Variants in SASH1 observed in about 807,000 individuals in gnomAD.
The protein encoded by SASH1 is SAM and SH3 domain containing 1.
Under a neutral mutation model 125.2 loss-of-function variants are expected in SASH1, and 44 were observed. The ratio of observed to expected loss-of-function variants is 0.35; its 90% CI spans 0.28 to 0.45. The LOEUF is 0.45. Ranked by LOEUF, SASH1 falls within the 20% of genes least tolerant of loss-of-function variation. The probability of loss-of-function intolerance (pLI) is 1.00; values close to 1 mark genes in which losing one functional copy is unlikely to be tolerated. For synonymous variants in SASH1, 639 were observed against 649.1 expected (o/e 0.98, Z 0.24); for missense variants, 1,426 against 1,614.5 (o/e 0.88, Z 2.00).
At chr6:148,297,331 T>C (rs975478722) in intron 1 of SASH1, among the ~76,000 whole-genome samples, 1 of 152,204 alleles carries the variant, frequency 6.6e-6, no homozygotes, top group Non-Finnish European at 1.5e-5. Context: ...ACTAAAGACA[T>C]TGTGTATAAA....
chr6:148,399,107 A>AAGG (rs1784066982), intron 2 of SASH1, among the ~76,000 whole-genome samples: 1 of 149,286 alleles, frequency 6.7e-6, no homozygotes, highest in Non-Finnish European at 1.5e-5. Flanking sequence ...ACCTTTGCAG[A>AAGG]CTGTTTGTGC....
At chr6:148,286,222 A>T (rs542752910) in intron 1 of SASH1, among the ~76,000 whole-genome samples, 72 of 152,194 alleles carry the variant, frequency 4.7e-4, no homozygotes, top group South Asian at 3.9e-3. Flanking sequence ...CTCTAAAAAA[A>T]AAAATAAAAT....
Position 148,519,726 on chromosome 6 carries a change from C to A in SASH1, c.1042C>A (p.Arg348=). Residue 348 remains arginine (R), a synonymous_variant, in exon 10 of 20, where the codon CGG becomes AGG. Coordinates refer to ENST00000367467, the MANE Select transcript of SASH1 (RefSeq NM_015278.5). The surrounding 1 kb of genome is among the most constrained non-coding windows in gnomAD (Gnocchi z 4.8). ...SSSLDTWGAG[R]KLVKTFSKGE... ...CAGCCTGGACACCTGGGGGGCTGGCCGGAAGTTGGTCAAAACCTTCAGCAA... is the reference window on the plus strand; with the variant it reads ...CAGCCTGGACACCTGGGGGGCTGGCAGGAAGTTGGTCAAAACCTTCAGCAA... 6.2e-7 allele frequency: 1 copy of A among 1,614,062 alleles called. No individual in the cohort carries two copies. Among genetic ancestry groups the A allele is most frequent in the Non-Finnish European group, 8.5e-7 (1 of 1,180,012 alleles).
chr6:148,394,705 C>T (rs1039649639), intron 2 of SASH1, among the ~76,000 whole-genome samples: 3 of 152,060 alleles, frequency 2.0e-5, no homozygotes, highest in Admixed American at 1.3e-4. Context: ...TGTGCATTGG[C>T]GCAATCTCAG....
chr6:148,431,752 A>G (rs1209876145), intron 2 of SASH1, among the ~76,000 whole-genome samples: 3 of 151,958 alleles, frequency 2.0e-5, no homozygotes, highest in Non-Finnish European at 4.4e-5. Flanking sequence ...CCAGCAGGTC[A>G]TGGAGTCAAC....
Position 148,360,565 on chromosome 6 carries a change from T to C in SASH1, c.156+17342T>C, listed in dbSNP as rs530827983. Among the ~76,000 whole-genome samples the C allele has an allele frequency of 3.3e-5, 5 of 152,002 alleles. No homozygotes were observed. In the South Asian group the frequency reaches 1.0e-3, roughly 32 times the overall value. ...GTTTCACCATTTTGGTTGACCAGGC[T>C]GGTCTCAAACTCCTGACTGCCAGTG... On this transcript the variant is annotated intron_variant, in intron 1 of 19. Transcript: ENST00000367467.
At chr6:148,335,464 C>CAAAAAA (rs534202487) in intron 1 of SASH1, among the ~76,000 whole-genome samples, 5 of 79,908 alleles carry the variant, frequency 6.3e-5, no homozygotes, top group South Asian at 4.5e-4. Context: ...GACTCTGTCT[C>CAAAAAA]AAAAAAAAAA....
chr6:148,290,345 G>A (rs1009227994), intron 1 of SASH1, among the ~76,000 whole-genome samples: 3 of 151,076 alleles, frequency 2.0e-5, no homozygotes, highest in Non-Finnish European at 4.4e-5. Flanking sequence ...GGTGGCTCAT[G>A]CCTGTAATCC....
intron 1 of SASH1, among the ~76,000 whole-genome samples, chr6:148,306,170 G>C (rs1451216789): frequency 6.6e-6 from 1 of 152,180 alleles, no homozygotes; most frequent in African/African-American, 2.4e-5. Flanking sequence ...TTGGCAGGTG[G>C]GGGGCACAGG....
chr6:148,452,068 G>A (rs9377138), intron 4 of SASH1, among the ~76,000 whole-genome samples: 32,962 of 152,124 alleles, frequency 0.22, 4,451 homozygotes, highest in East Asian at 0.39. Flanking sequence ...GCATCTTCTC[G>A]GTCCCCATGA....
At chr6:148,312,938 T>C (rs1207755881) in intron 1 of SASH1, among the ~76,000 whole-genome samples, 1 of 152,062 alleles carries the variant, frequency 6.6e-6, no homozygotes, top group African/African-American at 2.4e-5. Flanking sequence ...TCAGATTGTG[T>C]CTTAAAGGAC....
At chr6:148,409,240 C>T (rs1784501485) in intron 2 of SASH1, among the ~76,000 whole-genome samples, 2 of 152,196 alleles carry the variant, frequency 1.3e-5, no homozygotes, top group Non-Finnish European at 2.9e-5. Flanking sequence ...GACCATATGC[C>T]ATAGTGCCTT....
At chr6:148,402,201 A>T (rs1412149048) in intron 2 of SASH1, among the ~76,000 whole-genome samples, 1 of 152,248 alleles carries the variant, frequency 6.6e-6, no homozygotes, top group Non-Finnish European at 1.5e-5. Context: ...AGGGTACGGT[A>T]CTTTATCTGC....
At chr6:148,402,317 GTTTGTTTT>G (rs1487916603) in intron 2 of SASH1, among the ~76,000 whole-genome samples, 4 of 152,056 alleles carry the variant, frequency 2.6e-5, no homozygotes, top group African/African-American at 9.7e-5. Flanking sequence ...CTTTTTGTTT[GTTTGTTTT>G]TTTGTTTAAG....
intron 16 of SASH1, among the ~76,000 whole-genome samples, chr6:148,537,838 TGAGGCTGGAGGCAGAGA>T (rs1781958364): frequency 8.2e-6 from 1 of 121,714 alleles, no homozygotes; most frequent in Non-Finnish European, 1.8e-5. Context: ...GTGTGGTTGG[TGAGGCTGGAGGCAGAGA>T]GAGCTTAGCC....
At chr6:148,305,623 C>CAAAAAAAAAAAAAAAAAAAAA (rs59521298) in intron 1 of SASH1, among the ~76,000 whole-genome samples, 4 of 104,360 alleles carry the variant, frequency 3.8e-5, no homozygotes, top group East Asian at 3.0e-4. Context: ...GACTCTGACT[C>CAAAAAAAAAAAAAAAAAAAAA]AAAAAAAAAA....
At chr6:148,209,905 T>C in the SASH1 span, among the ~76,000 whole-genome samples, 113 of 152,226 alleles carry the variant, frequency 7.4e-4, no homozygotes, top group Non-Finnish European at 1.4e-3. Context: ...GAGTGTGCTC[T>C]AAGACAAATG....
chr6:148,252,476 T>G, the SASH1 span, among the ~76,000 whole-genome samples: 61 of 147,890 alleles, frequency 4.1e-4, no homozygotes, highest in Non-Finnish European at 6.8e-4. Flanking sequence ...TGTTTTGTGG[T>G]TTTTTTTCTT....
At chr6:148,326,323 C>CATATGTATGTATATATATAT (rs71004286) in intron 1 of SASH1, among the ~76,000 whole-genome samples, 1 of 9,816 alleles carries the variant, frequency 1.0e-4, no homozygotes, top group Admixed American at 2.0e-3. Context: ...CCACCGCATG[C>CATATGTATGTATATATATAT]ATATATATAT....
Sources: allele counts gnomAD v4.1 joint callset (sites outside exome capture counted in the v4.1 genomes callset), GRCh38; gene constraint gnomAD v4.1.1; non-coding constraint Gnocchi (gnomAD v3.1); transcripts MANE v1.5; gene names NCBI Gene and HGNC (gene_info 2026-07-23, HGNC 2026-07-21).